The following PCDH11X variants were observed in gnomAD, a reference collection of about 807,000 sequenced individuals.
The protein encoded by PCDH11X is protocadherin-11 X-linked.
Under a neutral mutation model 53.3 loss-of-function variants are expected in PCDH11X, and 18 were observed. The ratio of observed to expected loss-of-function variants is 0.34; its 90% CI spans 0.23 to 0.50. The LOEUF (loss-of-function observed/expected upper bound fraction) is 0.50. PCDH11X is among the 20% of genes least tolerant of loss of function. The pLI, the probability that PCDH11X is intolerant of heterozygous loss-of-function variation, is 0.98. For missense variants in PCDH11X, 570 were observed against 1,032.4 expected (o/e 0.55, Z 6.14); for synonymous variants, 279 against 393.3 (o/e 0.71, Z 3.44).
At chrX:92,003,893 T>C (rs1232522408) in intron 6 of PCDH11X, among the ~76,000 whole-genome samples, 2 of 111,048 alleles carry the variant, frequency 1.8e-5, no homozygotes, top group Non-Finnish European at 3.8e-5. Flanking sequence ...TTATTTGTGC[T>C]CTGATATTTA....
At chrX:92,116,056 A>G in intron 6 of PCDH11X, among the ~76,000 whole-genome samples, 1 of 111,889 alleles carries the variant, frequency 8.9e-6, no homozygotes, top group Non-Finnish European at 1.9e-5. Context: ...GTTGCCCATA[A>G]TTTAAAATGT....
At chrX:92,320,766 C>T (rs1165377194) in intron 8 of PCDH11X, among the ~76,000 whole-genome samples, 3 of 111,292 alleles carry the variant, frequency 2.7e-5, no homozygotes, top group African/African-American at 9.8e-5. Context: ...AAGCGTGCCT[C>T]CTGCAAAGAC....
intron 6 of PCDH11X, among the ~76,000 whole-genome samples, chrX:92,008,480 G>T (rs2147975166): frequency 9.0e-6 from 1 of 111,084 alleles, no homozygotes; most frequent in Admixed American, 9.6e-5. Flanking sequence ...CTCCTTCGGT[G>T]TCCAGAGAAG....
chrX:92,020,719 G>A (rs1203670086), intron 6 of PCDH11X, among the ~76,000 whole-genome samples: 1 of 110,539 alleles, frequency 9.0e-6, no homozygotes, highest in Non-Finnish European at 1.9e-5. Flanking sequence ...AACGGGTCCT[G>A]CTCCCCATGC....
chrX:92,509,585 G>A (rs989862982), intron 10 of PCDH11X, among the ~76,000 whole-genome samples: 3 of 111,593 alleles, frequency 2.7e-5, no homozygotes, highest in Non-Finnish European at 3.8e-5. Context: ...CACCTTCCCT[G>A]TTATTTATTA....
At chrX:92,504,554 A>G (rs1242773185) in intron 10 of PCDH11X, among the ~76,000 whole-genome samples, 8 of 111,546 alleles carry the variant, frequency 7.2e-5, no homozygotes, top group Non-Finnish European at 1.5e-4. Flanking sequence ...CCATGGATGA[A>G]CATTTAGGTT....
intron 6 of PCDH11X, among the ~76,000 whole-genome samples, chrX:91,913,848 A>C (rs1941467567): frequency 9.1e-6 from 1 of 110,089 alleles, no homozygotes; most frequent in Admixed American, 9.7e-5. Context: ...CAGGAAGGAG[A>C]AGACAACACC....
chrX:92,133,618 G>A (rs1445825955), intron 6 of PCDH11X, among the ~76,000 whole-genome samples: 2 of 112,098 alleles, frequency 1.8e-5, no homozygotes, highest in East Asian at 2.8e-4. Flanking sequence ...ACCCCGCCTC[G>A]GCCTCCCAAA....
At chrX:91,866,350 C>T (rs112087097) in intron 5 of PCDH11X, among the ~76,000 whole-genome samples, 2,206 of 110,990 alleles carry the variant, frequency 0.02, 54 homozygotes, top group African/African-American at 0.069. Flanking sequence ...TTTAAGTTTA[C>T]TTAGAGACCT....
intron 8 of PCDH11X, among the ~76,000 whole-genome samples, chrX:92,366,380 C>G: frequency 9.1e-6 from 1 of 110,165 alleles, no homozygotes; most frequent in Non-Finnish European, 1.9e-5. Flanking sequence ...TCTCTCTTTT[C>G]TTCCTTACTA....
intron 5 of PCDH11X, among the ~76,000 whole-genome samples, chrX:91,868,331 C>G: frequency 8.9e-6 from 1 of 111,964 alleles, no homozygotes; most frequent in Non-Finnish European, 1.9e-5. Flanking sequence ...AAATTTGCCA[C>G]CATCTTTATT....
At chrX:92,409,757 A>G (rs1274092297) in intron 9 of PCDH11X, among the ~76,000 whole-genome samples, 1 of 112,070 alleles carries the variant, frequency 8.9e-6, no homozygotes, top group African/African-American at 3.2e-5. Flanking sequence ...TTGGTTCTTA[A>G]CTGTATTTGA....
chrX:92,018,260 TG>T (rs1333701637), intron 6 of PCDH11X, among the ~76,000 whole-genome samples: 1 of 112,019 alleles, frequency 8.9e-6, no homozygotes, highest in Non-Finnish European at 1.9e-5. Context: ...TCAATAAAAT[TG>T]TGTAGATATA....
In PCDH11X at chrX:92,152,749, TTTTATGTA is replaced by T. The variant is rs765181922; in HGVS notation, c.3034-48624_3034-48617del. 4.1e-3 allele frequency among the ~76,000 whole-genome samples: 333 copies of T among 80,568 alleles called. 4 individuals are homozygous for T. Among genetic ancestry groups the T allele is most frequent in the Admixed American group, 7.0e-3 (49 of 6,996 alleles). The allele number at this position is 80,568 out of a possible 115,157, so 70.0% of individuals were successfully genotyped here. A position where few individuals can be genotyped will look rare whatever the true frequency, so the allele number is the denominator to read the frequency against. ...TTAAAAAATATTTTCTATATTTTTA[TTTTATGTA>T]TGTATGTATGTATGTATGTATGTAT... On this transcript the variant is annotated intron_variant, in intron 6 of 10. Transcript: ENST00000682573.
At chrX:92,342,680 A>C (rs1036310025) in intron 8 of PCDH11X, among the ~76,000 whole-genome samples, 3 of 110,895 alleles carry the variant, frequency 2.7e-5, no homozygotes, top group African/African-American at 9.9e-5. Flanking sequence ...AATGATAGAC[A>C]CTAAAGTATT....
intron 10 of PCDH11X, among the ~76,000 whole-genome samples, chrX:92,590,630 G>C (rs1247582134): frequency 9.0e-6 from 1 of 111,634 alleles, no homozygotes; most frequent in Non-Finnish European, 1.9e-5. Context: ...CTGTCACAGG[G>C]ACTGGCCCTA....
rs373276923 is a variant in PCDH11X, at chrX:92,581,889, A to T, written c.3368-36375A>T. On this transcript the variant is annotated intron_variant, in intron 10 of 10. Transcript: ENST00000682573. Reference sequence around the variant, plus strand: ...GATGGAGATGAGGAACTTGTTGAACACTGGAGTAAAGGTGACTCTTGCTAT... The same window carrying T: ...GATGGAGATGAGGAACTTGTTGAACTCTGGAGTAAAGGTGACTCTTGCTAT... Among the ~76,000 whole-genome samples, 14 of 103,687 alleles carry T rather than the reference A, an allele frequency of 1.4e-4. No individual in the cohort carries two copies. The East Asian group carries it at 3.0e-3, about 22-fold the overall frequency. The allele number at this position is 103,687 out of a possible 115,157, so 90.0% of individuals were successfully genotyped here.
At chrX:92,348,514 T>C (rs1339205972) in intron 8 of PCDH11X, among the ~76,000 whole-genome samples, 4 of 37,432 alleles carry the variant, frequency 1.1e-4, no homozygotes, top group African/African-American at 4.2e-4. Flanking sequence ...AAATTATCAT[T>C]ATTATTATTA....
chrX:91,952,598 G>A (rs1325517824), intron 6 of PCDH11X, among the ~76,000 whole-genome samples: 1 of 111,390 alleles, frequency 9.0e-6, no homozygotes, highest in Non-Finnish European at 1.9e-5. Flanking sequence ...AGGAATAACA[G>A]TTAGTACAAC....
Sources: allele counts gnomAD v4.1 joint callset (sites outside exome capture counted in the v4.1 genomes callset), GRCh38; gene constraint gnomAD v4.1.1; transcripts MANE v1.5; gene names NCBI Gene and HGNC (gene_info 2026-07-23, HGNC 2026-07-21).